Variants in SIRT1 observed in about 807,000 individuals in gnomAD.
The protein encoded by SIRT1 is sirtuin 1.
SIRT1 carries 24 observed loss-of-function variants against 67.9 expected under a neutral mutation model. The observed-to-expected ratio is 0.35, with a 90% CI of 0.26 to 0.50. The LOEUF (loss-of-function observed/expected upper bound fraction) is 0.50. Ranked by LOEUF, SIRT1 falls within the 20% of genes least tolerant of loss-of-function variation. The probability of loss-of-function intolerance (pLI) is 0.98; values close to 1 mark genes in which losing one functional copy is unlikely to be tolerated. For missense variants in SIRT1, 873 were observed against 937.2 expected (o/e 0.93, Z 0.89); for synonymous variants, 378 against 350.7 (o/e 1.08, Z -0.87).
chr10:67,888,378 T>C (rs991121259), intron 2 of SIRT1, among the ~76,000 whole-genome samples: 7 of 152,164 alleles, frequency 4.6e-5, no homozygotes, highest in Admixed American at 2.0e-4. Flanking sequence ...AGAAAATGAT[T>C]AGTTCTCAGA....
At chr10:67,894,570 T>C (rs1842623450) in intron 4 of SIRT1, among the ~76,000 whole-genome samples, 1 of 152,158 alleles carries the variant, frequency 6.6e-6, no homozygotes, top group Non-Finnish European at 1.5e-5. Context: ...AGCAAGTAAC[T>C]AGAAGTTACT....
At chr10:67,916,241 A>G (rs746131667) in intron 8 of SIRT1, 24 bp from the exon 9 acceptor site, 2 of 1,575,626 alleles carry the variant, frequency 1.3e-6, no homozygotes, top group Non-Finnish European at 1.7e-6. Context: ...AACTGAAAGT[A>G]ACATTTTTAT....
intron 1 of SIRT1, 56 bp from the exon 2 acceptor site, chr10:67,887,361 T>C (rs1319171173): frequency 3.7e-6 from 4 of 1,085,336 alleles, no homozygotes; most frequent in African/African-American, 1.6e-5. Flanking sequence ...TAACCGTTCA[T>C]ACATTTTAGG....
Position 67,891,544 on chromosome 10 carries a change from A to G in SIRT1, c.932A>G (p.Lys311Arg). The part of the protein sequence containing the change: ...YFRKDPRPFF[K>R]FAKEIYPGQF... ...AGAAAAGATCCAAGACCATTCTTCAAGTTTGCAAAGGTACTATGAACTCTT... is the reference window on the plus strand; with the variant it reads ...AGAAAAGATCCAAGACCATTCTTCAGGTTTGCAAAGGTACTATGAACTCTT... Residue 311 changes from lysine (K) to arginine (R), a missense_variant, in exon 4 of 9, where the codon AAG becomes AGG. Transcript: ENST00000212015. The G allele has an allele frequency of 6.2e-7, 1 of 1,614,052 alleles. No homozygotes were observed. The highest frequency in any genetic ancestry group is 8.5e-7 in the Non-Finnish European group (1 of 1,179,980).
At chr10:67,915,707 T>TTAAAA (rs1401313353) in intron 8 of SIRT1, among the ~76,000 whole-genome samples, 2 of 152,188 alleles carry the variant, frequency 1.3e-5, no homozygotes, top group Non-Finnish European at 2.9e-5. Context: ...TGAAGATGCT[T>TTAAAA]TAAAAGCCTG....
At chr10:67,891,716 A>G (rs1251361858) in intron 4 of SIRT1, among the ~76,000 whole-genome samples, 162 bp downstream of exon 4, 2 of 152,200 alleles carry the variant, frequency 1.3e-5, no homozygotes, top group East Asian at 1.9e-4. Context: ...CTTTATTCCT[A>G]GAGGAGGACT....
intron 4 of SIRT1, chr10:67,906,113 T>C (rs1429813851): frequency 3.9e-6 from 5 of 1,272,822 alleles, no homozygotes; most frequent in Non-Finnish European, 4.0e-6. Flanking sequence ...ATTGATACTT[T>C]TTCTCTGATC....
At chr10:67,906,138 A>G in intron 4 of SIRT1, 2 of 1,315,780 alleles carry the variant, frequency 1.5e-6, no homozygotes, top group African/African-American at 1.5e-5. Flanking sequence ...TGCCATGTGT[A>G]TATCTGAATT....
chr10:67,916,182 T>C (rs1453243886), intron 8 of SIRT1, 83 bp from the exon 9 acceptor site: 1 of 1,221,508 alleles, frequency 8.2e-7, no homozygotes. Flanking sequence ...AAGGCAGAGC[T>C]GGAACCCACA....
chr10:67,912,392 T>C, intron 7 of SIRT1, 82 bp from the exon 8 acceptor site: 1 of 1,287,542 alleles, frequency 7.8e-7, no homozygotes, highest in Non-Finnish European at 1.1e-6. Flanking sequence ...CTTGTTGGAT[T>C]TTTGCATAAT....
chr10:67,889,196 C>A lies in SIRT1; in HGVS notation c.789+73C>A, dbSNP rs754729290. On this transcript the variant is annotated intron_variant, in intron 3 of 8. Coordinates refer to ENST00000212015, the MANE Select transcript of SIRT1 (RefSeq NM_012238.5). ...CCTTTTCCAAGTAGGAAACATTTTT[C>A]TGGTTTAGAAGGATTTATCCTTACA... The A allele has an allele frequency of 2.7e-6, 4 of 1,474,562 alleles. No homozygotes were observed. The Admixed American group carries it at 8.7e-5, about 32-fold the overall frequency. The allele number at this position is 1,474,562 out of a possible 1,614,324, so 91.3% of individuals were successfully genotyped here.
At chr10:67,893,291 A>G (rs746300617) in intron 4 of SIRT1, among the ~76,000 whole-genome samples, 4 of 151,084 alleles carry the variant, frequency 2.6e-5, no homozygotes, top group African/African-American at 7.3e-5. Context: ...ATGCTTTTCC[A>G]CCCCTTGCCC....
chr10:67,918,143 T>C lies in SIRT1; in HGVS notation c.*1550T>C, dbSNP rs1391243578. 1.3e-5 allele frequency: 2 copies of C among 152,656 alleles called. No individual in the cohort carries two copies. Among genetic ancestry groups the C allele is most frequent in the East Asian group, 3.8e-4 (2 of 5,198 alleles). The allele number at this position is 152,656 out of a possible 1,614,324, so 9.5% of individuals were successfully genotyped here. ...TATATTTAGTTTTCCATTTGCATGA[T>C]GTTTGTGTGCTATAGATGATATTTT... On this transcript the variant is annotated 3_prime_UTR_variant, in exon 9 of 9. Coordinates refer to ENST00000212015, the MANE Select transcript of SIRT1 (RefSeq NM_012238.5).
At chr10:67,890,755 G>A (rs33960442) in intron 3 of SIRT1, among the ~76,000 whole-genome samples, 71,055 of 151,134 alleles carry the variant, frequency 0.47, 20,649 homozygotes, top group Non-Finnish European at 0.66. Context: ...AAAAAGCCGG[G>A]CGCGGTGGCT....
At chr10:67,904,782 T>C (rs1318924702) in intron 4 of SIRT1, among the ~76,000 whole-genome samples, 1 of 150,866 alleles carries the variant, frequency 6.6e-6, no homozygotes, top group Non-Finnish European at 1.5e-5. Flanking sequence ...AGGTGGAGGT[T>C]GTGGTGAGCT....
intron 4 of SIRT1, among the ~76,000 whole-genome samples, 182 bp from the exon 5 acceptor site, chr10:67,906,608 T>C (rs1336127909): frequency 1.3e-5 from 2 of 152,242 alleles, no homozygotes; most frequent in Non-Finnish European, 2.9e-5. Context: ...CTGAGTTTTA[T>C]GCATATGACA....
In SIRT1 at chr10:67,888,930, G is replaced by A. The variant is rs1842527817; in HGVS notation, c.596G>A (p.Arg199Gln). Residue 199 changes from arginine to glutamine, a missense_variant, in exon 3 of 9, where the codon CGA becomes CAA. Around this residue, in one of 3 missense-constraint regions of SIRT1, gnomAD observed 251 missense variants for 358.8 expected, o/e 0.70. Transcript: ENST00000212015. The stretch of plus-strand genomic sequence containing the variant: ...CATCTTATGATTGGCACAGATCCTC[G>A]AACAATTCTTAAAGATTTATTGCCG... ...QQHLMIGTDPRTILKDLLPET... is the reference protein window; with the variant it reads ...QQHLMIGTDPQTILKDLLPET... 2 of 1,613,650 alleles carry A rather than the reference G, an allele frequency of 1.2e-6. No individual in the cohort carries two copies. The highest frequency in any genetic ancestry group is 8.5e-7 in the Non-Finnish European group (1 of 1,179,840).
At position 67,912,844 on chromosome 10, in the gene SIRT1, A is replaced by T; in HGVS notation, c.1728A>T (p.Glu576Asp). Reference sequence around the variant, plus strand: ...TGTCTGAATCAAAAGGTTGTATGGAAGAAAAACCACAGGAAGTACAAACTT... The same window carrying T: ...TGTCTGAATCAAAAGGTTGTATGGATGAAAAACCACAGGAAGTACAAACTT... ...LDVSESKGCM[E>D]EKPQEVQTSR... The change falls in exon 8 of 9, where the codon GAA becomes GAT. Residue 576 changes from glutamate (E) to aspartate (D), a missense_variant. Around this residue, in one of 3 missense-constraint regions of SIRT1, gnomAD observed 295 missense variants for 294.5 expected, o/e 1.00. Transcript: ENST00000212015. 6.2e-7 allele frequency: 1 copy of T among 1,614,138 alleles called. No individual in the cohort carries two copies. The highest frequency in any genetic ancestry group is 1.1e-5 in the South Asian group (1 of 91,066).
chr10:67,891,688 T>A, intron 4 of SIRT1, 134 bp downstream of exon 4: 1 of 811,708 alleles, frequency 1.2e-6, no homozygotes, highest in Non-Finnish European at 1.9e-6. Flanking sequence ...GTAAGATCAC[T>A]CATTATGGCT....
Sources: allele counts gnomAD v4.1 joint callset (sites outside exome capture counted in the v4.1 genomes callset), GRCh38; gene constraint gnomAD v4.1.1; regional missense constraint gnomAD v4.1.1; transcripts MANE v1.5; gene names NCBI Gene and HGNC (gene_info 2026-07-23, HGNC 2026-07-21).